Variants in NSUN5 observed in about 807,000 individuals in gnomAD.
NSUN5 encodes NOP2/Sun RNA methyltransferase 5.
Under a neutral mutation model 51.1 loss-of-function variants are expected in NSUN5, and 39 were observed. The ratio of observed to expected loss-of-function variants is 0.76; its 90% CI spans 0.59 to 1.00. The LOEUF is 1.00. Ranked by LOEUF, NSUN5 falls within the 50% of genes least tolerant of loss-of-function variation. The pLI is 0.00. For missense variants in NSUN5, 526 were observed against 614.0 expected (o/e 0.86, Z 1.51); for synonymous variants, 266 against 271.5 (o/e 0.98, Z 0.20).
At position 73,302,521 on chromosome 7, in the gene NSUN5, G is replaced by GT; in HGVS notation, c.*893dup. ...AATTAAAAGAAAAAAATATTTAAAC[G>GT]TTTTTTAACAAAAATTTATTTTTGT... is the stretch of plus-strand genomic sequence containing the variant. On this transcript the variant is annotated 3_prime_UTR_variant, in exon 10 of 10. Transcript: ENST00000438747. The GT allele has an allele frequency of 5.1e-6, 3 of 588,924 alleles. No homozygotes were observed. The highest frequency in any genetic ancestry group is 8.4e-4 in the Middle Eastern group (1 of 1,190). 36.5% of individuals were successfully genotyped at this position (588,924 alleles called of 1,614,324 possible). A position where few individuals can be genotyped will look rare whatever the true frequency, so the allele number is the denominator to read the frequency against.
rs782467284 is a variant in NSUN5, at chr7:73,304,274, T to C, written c.890A>G (p.His297Arg). The change falls in exon 7 of 10, where the codon CAT becomes CGT. Residue 297 changes from histidine (H) to arginine (R), a missense_variant. Transcript: ENST00000438747. ...ATCCAGCAGGATGTAGTGGACCTCA[T>C]GGTAGCGTGGATCCGAGGGGGAGAC... is the stretch of plus-strand genomic sequence containing the variant. The part of the protein sequence containing the change: ...LAVSPSDPRY[H>R]EVHYILLDPS... 3.8e-5 allele frequency: 62 copies of C among 1,613,992 alleles called. No homozygotes were observed. In the Admixed American group the frequency reaches 7.5e-4, roughly 20 times the overall value.
chr7:73,305,117 C>T lies in NSUN5; in HGVS notation c.501-20G>A, dbSNP rs550394058. On this transcript the variant is annotated intron_variant, in intron 4 of 9. Coordinates refer to ENST00000438747, the MANE Select transcript of NSUN5 (RefSeq NM_148956.4). ...TCGAGGCTGCCAGGGAAGAACCATT[C>T]ATTCATTTCCTGAATTTCTCCCTGC... 2 of 1,609,822 alleles carry T rather than the reference C, an allele frequency of 1.2e-6. No homozygotes were observed. The highest frequency in any genetic ancestry group is 2.2e-5 in the South Asian group (2 of 90,922).
At chr7:73,304,208 C>T (rs782779805) in intron 7 of NSUN5, 22 bp downstream of exon 7, 1 of 1,590,638 alleles carries the variant, frequency 6.3e-7, no homozygotes. Context: ...AGTCCCTCGG[C>T]CACGCTTTCT....
chr7:73,308,221 C>T, intron 2 of NSUN5: 1 of 638,778 alleles, frequency 1.6e-6, no homozygotes, highest in Non-Finnish European at 2.5e-6. Flanking sequence ...CCGCCACTAC[C>T]ACTTTGTACT....
intron 2 of NSUN5, 54 bp from the exon 3 acceptor site, chr7:73,307,811 A>G (rs1804108556): frequency 1.4e-6 from 2 of 1,467,582 alleles, no homozygotes; most frequent in Admixed American, 4.4e-5. Context: ...ATGAAGCATG[A>G]ATGCCTTAGA....
chr7:73,308,091 T>A, intron 2 of NSUN5: 1 of 452,108 alleles, frequency 2.2e-6, no homozygotes, highest in South Asian at 3.6e-5. Context: ...TGAAGTGCAG[T>A]GGCCAGATCA....
Position 73,304,357 on chromosome 7 carries a change from C to A in NSUN5, c.807G>T (p.Thr269=). The part of the protein sequence containing the change: ...LDAKRLASMA[T]LLARAGVSCC... ...AAGAGACGCCAGCCCGGGCCAGCAG[C>A]GTGGCCATGGATGCCAGCCGCTTGG... Residue 269 remains threonine (T), a synonymous_variant, in exon 7 of 10, where the codon ACG becomes ACT. Coordinates refer to ENST00000438747, the MANE Select transcript of NSUN5 (RefSeq NM_148956.4). 1.2e-6 allele frequency: 2 copies of A among 1,613,916 alleles called. No individual in the cohort carries two copies. Among genetic ancestry groups the A allele is most frequent in the Non-Finnish European group, 8.5e-7 (1 of 1,179,918 alleles).
intron 4 of NSUN5, among the ~76,000 whole-genome samples, chr7:73,306,871 A>T (rs2115663910): frequency 6.7e-6 from 1 of 148,582 alleles, no homozygotes; most frequent in East Asian, 2.0e-4. Context: ...GACTCAGTCT[A>T]AAAAAAAAAG....
Position 73,303,118 on chromosome 7 carries a change from T to C in NSUN5, c.*297A>G. On this transcript the variant is annotated 3_prime_UTR_variant, in exon 10 of 10. Transcript: ENST00000438747. ...GGACGGCAGCGGGAGGCTGGGACTT[T>C]CCATTACAAATAGAGACTTCATTCC... 1 of 1,430,572 alleles carries C rather than the reference T, an allele frequency of 7.0e-7. No homozygotes were observed. Among genetic ancestry groups the C allele is most frequent in the Non-Finnish European group, 9.1e-7 (1 of 1,096,752 alleles). 88.6% of individuals were successfully genotyped at this position (1,430,572 alleles called of 1,614,324 possible).
chr7:73,308,543 T>C lies in NSUN5; in HGVS notation c.104A>G (p.Gln35Arg), dbSNP rs1554542304. Residue 35 changes from glutamine to arginine, a missense_variant, in exon 2 of 10, where the codon CAG becomes CGG. Transcript: ENST00000438747. ...CGTTTCGCACACCAGCGCGTACAGCTGCTTCACGTTCTGTGTGGCCGAGGA... is the reference window on the plus strand; with the variant it reads ...CGTTTCGCACACCAGCGCGTACAGCCGCTTCACGTTCTGTGTGGCCGAGGA... ...VYSSNFQNVK[Q>R]LYALVCETQR... 1 of 1,601,364 alleles carries C rather than the reference T, an allele frequency of 6.2e-7. No homozygotes were observed. Among genetic ancestry groups the C allele is most frequent in the South Asian group, 1.1e-5 (1 of 90,730 alleles).
chr7:73,308,579 G>A, intron 1 of NSUN5, 26 bp from the exon 2 acceptor site: 1 of 1,592,678 alleles, frequency 6.3e-7, no homozygotes, highest in Non-Finnish European at 8.6e-7. Flanking sequence ...AGACAAGCTG[G>A]GTGGGGGCTC....
At position 73,307,634 on chromosome 7, in the gene NSUN5, C is replaced by G. The variant is rs782010862; in HGVS notation, c.340G>C (p.Gly114Arg). 56 of 1,612,808 alleles carry G rather than the reference C, an allele frequency of 3.5e-5. No homozygotes were observed. Among genetic ancestry groups the G allele is most frequent in the South Asian group, 2.7e-4 (25 of 91,006 alleles). ...AELARLKVHR[G>R]VSRNEDLLEV... ...AACAGGTCCTCATTCCGGCTCACAC[C>G]CCGATGAACCTTGAGCCGAGCCAAC... is the stretch of plus-strand genomic sequence containing the variant. The change falls in exon 3 of 10, where the codon GGT (glycine) becomes CGT (arginine). Residue 114 changes from glycine (G) to arginine (R), a missense_variant. Gly to Arg is a moderately radical substitution (Grantham distance 125). Coordinates refer to ENST00000438747, the MANE Select transcript of NSUN5 (RefSeq NM_148956.4).
In NSUN5 at chr7:73,303,041, G is replaced by T. The variant is rs1217956736; in HGVS notation, c.*374C>A. 1 of 1,314,724 alleles carries T rather than the reference G, an allele frequency of 7.6e-7. No homozygotes were observed. Among genetic ancestry groups the T allele is most frequent in the Non-Finnish European group, 9.7e-7 (1 of 1,027,578 alleles). 81.4% of individuals were successfully genotyped at this position (1,314,724 alleles called of 1,614,324 possible). A position where few individuals can be genotyped will look rare whatever the true frequency, so the allele number is the denominator to read the frequency against. ...CCTCAGTTCCGCAGGCAGGACAGCCGGTCCGGGAACCCTGAGTGAGTGTGA... is the reference window on the plus strand; with the variant it reads ...CCTCAGTTCCGCAGGCAGGACAGCCTGTCCGGGAACCCTGAGTGAGTGTGA... On this transcript the variant is annotated 3_prime_UTR_variant, in exon 10 of 10. Coordinates refer to ENST00000438747, the MANE Select transcript of NSUN5 (RefSeq NM_148956.4).
intron 6 of NSUN5, 38 bp from the exon 7 acceptor site, chr7:73,304,446 C>A: frequency 6.4e-7 from 1 of 1,573,370 alleles, no homozygotes; most frequent in Non-Finnish European, 8.6e-7. Flanking sequence ...ACGCATGGAG[C>A]AGCTAAGGGC....
chr7:73,303,898 G>A lies in NSUN5; in HGVS notation c.1073C>T (p.Thr358Met), dbSNP rs547895380. 21 of 1,613,680 alleles carry A rather than the reference G, an allele frequency of 1.3e-5. No homozygotes were observed. The highest frequency in any genetic ancestry group is 3.3e-5 in the Admixed American group (2 of 59,960). ...FPSLQRLVYS[T>M]CSLCQEENED... is the part of the protein sequence containing the mutation. ...ATTCTCCTCCTGGCAGAGGGAGCAC[G>A]TGGAGTAGACGAGCCGCTGCAGGGA... Residue 358 changes from threonine (T) to methionine (M), a missense_variant, in exon 8 of 10, where the codon ACG (threonine) becomes ATG (methionine). Physicochemically the swap from Thr to Met is moderately conservative, Grantham distance 81. Transcript: ENST00000438747.
At chr7:73,305,683 G>A (rs1184169258) in intron 4 of NSUN5, among the ~76,000 whole-genome samples, 3 of 151,988 alleles carry the variant, frequency 2.0e-5, no homozygotes, top group African/African-American at 7.2e-5. Context: ...TTAGTCATGT[G>A]AGGCGCTTAG....
intron 2 of NSUN5, chr7:73,308,073 G>A: frequency 2.2e-6 from 1 of 448,016 alleles, no homozygotes; most frequent in Non-Finnish European, 4.0e-6. Context: ...TAGCTCTGTC[G>A]CCCAGGCTGA....
At chr7:73,307,800 C>T in intron 2 of NSUN5, 43 bp from the exon 3 acceptor site, 1 of 1,498,144 alleles carries the variant, frequency 6.7e-7, no homozygotes, top group Non-Finnish European at 9.0e-7. Flanking sequence ...ATGCCCTAAG[C>T]ATGAAGCATG....
At chr7:73,304,082 A>C (rs782289400) in intron 7 of NSUN5, 46 bp from the exon 8 acceptor site, 1 of 1,599,702 alleles carries the variant, frequency 6.3e-7, no homozygotes, top group Non-Finnish European at 8.6e-7. Flanking sequence ...AGGCTACCTC[A>C]GTCCTGAAAT....
Sources: allele counts gnomAD v4.1 joint callset (sites outside exome capture counted in the v4.1 genomes callset), GRCh38; gene constraint gnomAD v4.1.1; transcripts MANE v1.5; gene names NCBI Gene and HGNC (gene_info 2026-07-23, HGNC 2026-07-21).